CCDC62: variants seen among roughly 807,000 people sequenced by gnomAD.
CCDC62 encodes coiled-coil domain containing 62.
CCDC62 carries 72 observed loss-of-function variants against 80.8 expected under a neutral mutation model. That is an observed-to-expected ratio of 0.89 (90% CI 0.74 to 1.08). CCDC62 has a LOEUF of 1.08. Ranked by LOEUF, CCDC62 falls within the 50% of genes least tolerant of loss-of-function variation. The pLI is 0.00. For synonymous variants in CCDC62, 286 were observed against 296.5 expected, an observed-to-expected ratio of 0.96 and a Z score of 0.36; for missense variants, 704 against 809.4, an observed-to-expected ratio of 0.87 and a Z score of 1.58.
At position 122,792,136 on chromosome 12, in the gene CCDC62, C is replaced by T. The variant is rs764948328; in HGVS notation, c.772+15C>T. 8 of 1,492,154 alleles carry T rather than the reference C, an allele frequency of 5.4e-6. No individual in the cohort carries two copies. The highest frequency in any genetic ancestry group is 7.5e-6 in the Non-Finnish European group (8 of 1,070,342). 92.4% of individuals were successfully genotyped at this position (1,492,154 alleles called of 1,614,324 possible). A position where few individuals can be genotyped will look rare whatever the true frequency, so the allele number is the denominator to read the frequency against. On this transcript the variant is annotated intron_variant, in intron 6 of 12. Transcript: ENST00000253079. Reference sequence around the variant, plus strand: ...GCTTTTTACTGGTAAAACAGATGATCGAATGTATTTGTAACCTAGACTTGC... The same window carrying T: ...GCTTTTTACTGGTAAAACAGATGATTGAATGTATTTGTAACCTAGACTTGC...
chr12:122,801,318 G>A lies in CCDC62; in HGVS notation c.1172G>A (p.Ser391Asn). Residue 391 changes from serine to asparagine, a missense_variant, in exon 9 of 13, where the codon AGT becomes AAT. Physicochemically the swap from Ser to Asn is conservative, Grantham distance 46. Coordinates refer to ENST00000253079, the MANE Select transcript of CCDC62 (RefSeq NM_201435.5). The part of the protein sequence containing the change: ...QQIDTVFGEK[S>N]VITLSSIFTK... ...ATCGATACTGTGTTTGGGGAGAAAAGTGTAATTACGCTGTCATCCATATTC... is the reference window on the plus strand; with the variant it reads ...ATCGATACTGTGTTTGGGGAGAAAAATGTAATTACGCTGTCATCCATATTC... The A allele has an allele frequency of 6.2e-7, 1 of 1,614,078 alleles. No homozygotes were observed. The highest frequency in any genetic ancestry group is 8.5e-7 in the Non-Finnish European group (1 of 1,179,990).
At chr12:122,781,092 A>T in intron 2 of CCDC62, 72 bp from the exon 3 acceptor site, 1 of 1,241,658 alleles carries the variant, frequency 8.1e-7, no homozygotes, top group Non-Finnish European at 1.1e-6. Flanking sequence ...TTTACCTTTT[A>T]ACCACCCATT....
rs947219111 is a variant in CCDC62, at chr12:122,806,012, A to G, written c.1707-139A>G. ...AACTTATAATATTCTATTCCAATCTATAATGTTCTACTCAAACTTGACCTG... is the reference window on the plus strand; with the variant it reads ...AACTTATAATATTCTATTCCAATCTGTAATGTTCTACTCAAACTTGACCTG... On this transcript the variant is annotated intron_variant, in intron 9 of 12. Coordinates refer to ENST00000253079, the MANE Select transcript of CCDC62 (RefSeq NM_201435.5). 4 of 657,498 alleles carry G rather than the reference A, an allele frequency of 6.1e-6. No homozygotes were observed. The African/African-American group carries it at 7.3e-5, about 12-fold the overall frequency. 40.7% of individuals were successfully genotyped at this position (657,498 alleles called of 1,614,324 possible).
chr12:122,783,227 C>CT (rs757436171), intron 3 of CCDC62, among the ~76,000 whole-genome samples: 251 of 140,438 alleles, frequency 1.8e-3, no homozygotes, highest in African/African-American at 3.1e-3. Context: ...ATCCTTCATT[C>CT]TTTTTTTTTT....
chr12:122,800,142 C>T (rs2031205529), intron 8 of CCDC62, among the ~76,000 whole-genome samples: 1 of 150,420 alleles, frequency 6.6e-6, no homozygotes, highest in Non-Finnish European at 1.5e-5. Context: ...GGCCCACAGG[C>T]ATGCGCCACC....
chr12:122,820,081 AAAGAAG>A (rs1566090674), intron 11 of CCDC62, among the ~76,000 whole-genome samples: 1 of 150,086 alleles, frequency 6.7e-6, no homozygotes, highest in African/African-American at 2.5e-5. Flanking sequence ...AAAAAAAAAA[AAAGAAG>A]AAGAAGAAAA....
At position 122,814,003 on chromosome 12, in the gene CCDC62, C is replaced by T. The variant is rs551908508; in HGVS notation, c.2001+584C>T. 5.3e-5 allele frequency among the ~76,000 whole-genome samples: 8 copies of T among 149,766 alleles called. No homozygotes were observed. In the East Asian group the frequency reaches 1.3e-3, roughly 24 times the overall value. ...ATTTTATTATAGAAAGTTTCAAGGC[C>T]GGGCGTGGTGGCTCATGCCTGTAAT... On this transcript the variant is annotated intron_variant, in intron 11 of 12. Transcript: ENST00000253079.
At chr12:122,789,242 G>A (rs117073876) in intron 5 of CCDC62, among the ~76,000 whole-genome samples, 11 of 152,286 alleles carry the variant, frequency 7.2e-5, no homozygotes, top group Non-Finnish European at 1.6e-4. Context: ...GCAGACAGTC[G>A]TAGCATTTAT....
At chr12:122,812,831 A>AAAGAAAGAAAGAAAG in intron 10 of CCDC62, among the ~76,000 whole-genome samples, 1 of 139,040 alleles carries the variant, frequency 7.2e-6, no homozygotes, top group Non-Finnish European at 1.6e-5. Flanking sequence ...AAGAAAGAAA[A>AAAGAAAGAAAGAAAG]GGAATGAATT....
chr12:122,790,885 T>A (rs2030559937), intron 5 of CCDC62, among the ~76,000 whole-genome samples: 1 of 152,098 alleles, frequency 6.6e-6, no homozygotes, highest in Non-Finnish European at 1.5e-5. Context: ...AAGATGCTTC[T>A]GTCACTTAGG....
At chr12:122,803,819 A>G (rs899882506) in intron 9 of CCDC62, among the ~76,000 whole-genome samples, 5 of 152,194 alleles carry the variant, frequency 3.3e-5, no homozygotes, top group African/African-American at 1.2e-4. Flanking sequence ...CTGAACAAGG[A>G]CACTCATATA....
chr12:122,806,808 ATT>A (rs34715872), intron 10 of CCDC62, among the ~76,000 whole-genome samples: 148 of 137,200 alleles, frequency 1.1e-3, no homozygotes, highest in Non-Finnish European at 1.5e-3. Flanking sequence ...GAAAAATTGT[ATT>A]TTTTTTTTTT....
intron 10 of CCDC62, 22 bp from the exon 11 acceptor site, chr12:122,813,248 G>T (rs2032019058): frequency 6.3e-7 from 1 of 1,584,530 alleles, no homozygotes; most frequent in Non-Finnish European, 8.6e-7. Flanking sequence ...AGCATTTAAA[G>T]GTGCCTCTTA....
At position 122,785,834 on chromosome 12, in the gene CCDC62, A is replaced by G; in HGVS notation, c.498+14A>G. ...ATAAAGCTAAAGGTAATCAAAAATAAGAATTCCTCCATTTGCCAGAGTGCT... is the reference window on the plus strand; with the variant it reads ...ATAAAGCTAAAGGTAATCAAAAATAGGAATTCCTCCATTTGCCAGAGTGCT... On this transcript the variant is annotated intron_variant, in intron 4 of 12. Coordinates refer to ENST00000253079, the MANE Select transcript of CCDC62 (RefSeq NM_201435.5). 1 of 1,544,218 alleles carries G rather than the reference A, an allele frequency of 6.5e-7. No individual in the cohort carries two copies. The highest frequency in any genetic ancestry group is 9.0e-7 in the Non-Finnish European group (1 of 1,116,618).
At chr12:122,798,551 C>T (rs1297718170) in intron 8 of CCDC62, among the ~76,000 whole-genome samples, 2 of 151,706 alleles carry the variant, frequency 1.3e-5, no homozygotes, top group Middle Eastern at 3.4e-3. Context: ...TGCAGTGAGC[C>T]GAGATCACGC....
At chr12:122,819,017 G>A (rs927433397) in intron 11 of CCDC62, among the ~76,000 whole-genome samples, 7 of 152,256 alleles carry the variant, frequency 4.6e-5, no homozygotes, top group Middle Eastern at 3.4e-3. Context: ...AAAAATGACC[G>A]AATCTCTTTA....
At chr12:122,804,496 G>A (rs2031478666) in intron 9 of CCDC62, among the ~76,000 whole-genome samples, 1 of 151,864 alleles carries the variant, frequency 6.6e-6, no homozygotes, top group Non-Finnish European at 1.5e-5. Context: ...CAAAAAAAAA[G>A]GTCATTGGCC....
rs539662565 is a variant in CCDC62, at chr12:122,817,425, A to G, written c.2001+4006A>G. The stretch of plus-strand genomic sequence containing the variant: ...CTCTTTCCTCCACTTCCTGGGTTCA[A>G]GCGATTCTCTTGCCTCAGCCTCCTG... On this transcript the variant is annotated intron_variant, in intron 11 of 12. Coordinates refer to ENST00000253079, the MANE Select transcript of CCDC62 (RefSeq NM_201435.5). Among the ~76,000 whole-genome samples, 6 of 150,578 alleles carry G rather than the reference A, an allele frequency of 4.0e-5. No homozygotes were observed. The South Asian group carries it at 1.3e-3, about 32-fold the overall frequency.
intron 9 of CCDC62, among the ~76,000 whole-genome samples, chr12:122,804,718 G>T (rs994513814): frequency 6.7e-6 from 1 of 148,302 alleles, no homozygotes; most frequent in Non-Finnish European, 1.5e-5. Context: ...ATTCCATGTT[G>T]TTTTTTTTTT....
Sources: gnomAD v4.1 joint callset for allele counts (sites outside exome capture counted in the v4.1 genomes callset) on GRCh38, gnomAD v4.1.1 for gene constraint, MANE v1.5 for transcripts, NCBI Gene and HGNC (gene_info 2026-07-23, HGNC 2026-07-21) for gene names.